GSG1L: variants seen among roughly 807,000 people sequenced by gnomAD.
GSG1L encodes the protein germ cell-specific gene 1-like protein.
In GSG1L, 24 loss-of-function variants were observed where a neutral mutation model predicts 42.1. That is an observed-to-expected ratio of 0.57 (90% CI 0.41 to 0.80). The LOEUF is 0.80. Ranked by LOEUF, GSG1L falls within the 30% of genes least tolerant of loss-of-function variation. The probability of loss-of-function intolerance (pLI) is 0.00; values close to 1 mark genes in which losing one functional copy is unlikely to be tolerated. For synonymous variants in GSG1L, 215 were observed against 203.5 expected (o/e 1.06, Z -0.48); for missense variants, 445 against 472.2 (o/e 0.94, Z 0.53).
chr16:28,053,705 CTG>C (rs2086245546), intron 1 of GSG1L, among the ~76,000 whole-genome samples: 3 of 152,198 alleles, frequency 2.0e-5, no homozygotes, highest in African/African-American at 7.2e-5. Context: ...ACCCTCCTCC[CTG>C]TGTGTGAGTG....
intron 1 of GSG1L, among the ~76,000 whole-genome samples, chr16:27,979,012 G>A (rs911920570): frequency 6.6e-6 from 1 of 152,108 alleles, no homozygotes; most frequent in African/African-American, 2.4e-5. Context: ...AGGTGTCTAG[G>A]CTCAGAAGCC....
At chr16:28,028,673 C>T (rs967394363) in intron 1 of GSG1L, among the ~76,000 whole-genome samples, 1 of 152,128 alleles carries the variant, frequency 6.6e-6, no homozygotes, top group African/African-American at 2.4e-5. Flanking sequence ...GAGAAAGTCT[C>T]AGCTTGGTGC....
intron 1 of GSG1L, among the ~76,000 whole-genome samples, chr16:28,004,078 C>G (rs1247016665): frequency 6.6e-6 from 1 of 152,178 alleles, no homozygotes; most frequent in East Asian, 1.9e-4. Context: ...CAGCCCGAGG[C>G]GCCTGTGTGC....
chr16:27,875,144 C>A (rs1028763086), intron 3 of GSG1L, among the ~76,000 whole-genome samples: 1 of 152,192 alleles, frequency 6.6e-6, no homozygotes, highest in South Asian at 2.1e-4. Flanking sequence ...TTGGTGACTT[C>A]TTTCCTCAAA....
intron 2 of GSG1L, among the ~76,000 whole-genome samples, chr16:27,935,221 C>T (rs182355331): frequency 4.4e-4 from 67 of 152,288 alleles, no homozygotes; most frequent in African/African-American, 1.2e-3. Flanking sequence ...CAGCTCCCAC[C>T]TGCCCTGGAA....
chr16:27,823,618 C>T (rs1157583869), intron 5 of GSG1L, among the ~76,000 whole-genome samples: 3 of 152,214 alleles, frequency 2.0e-5, no homozygotes, highest in East Asian at 3.9e-4. Context: ...AACGTGGGGG[C>T]GTGAGGGAGC....
chr16:27,811,652 G>A (rs886267596), intron 5 of GSG1L, among the ~76,000 whole-genome samples: 6 of 151,832 alleles, frequency 4.0e-5, no homozygotes, highest in Admixed American at 6.6e-5. Context: ...GTTTCTTTTC[G>A]TTGTTGTTGT....
At chr16:27,887,940 C>G in intron 2 of GSG1L, 1 of 223,216 alleles carries the variant, frequency 4.5e-6, no homozygotes, top group Non-Finnish European at 7.5e-6. Flanking sequence ...GCCTCCCAGC[C>G]CTTCGCTGGC....
intron 1 of GSG1L, among the ~76,000 whole-genome samples, chr16:28,002,490 A>G (rs1034973232): frequency 1.1e-4 from 16 of 152,152 alleles, no homozygotes; most frequent in Non-Finnish European, 7.3e-5. Context: ...GCATGATGAC[A>G]TATGCCTGTA....
intron 1 of GSG1L, among the ~76,000 whole-genome samples, chr16:28,035,226 T>C (rs2086019365): frequency 6.6e-6 from 1 of 151,960 alleles, no homozygotes; most frequent in Non-Finnish European, 1.5e-5. Context: ...GGTCTCACTA[T>C]GTTGCTCAGG....
intron 1 of GSG1L, among the ~76,000 whole-genome samples, chr16:28,033,171 A>G (rs1596717468): frequency 6.6e-6 from 1 of 152,028 alleles, no homozygotes. Flanking sequence ...GGGCCTTTGC[A>G]CCTGCCAATC....
At chr16:28,044,935 A>G (rs1434869640) in intron 1 of GSG1L, among the ~76,000 whole-genome samples, 1 of 152,106 alleles carries the variant, frequency 6.6e-6, no homozygotes, top group Non-Finnish European at 1.5e-5. Context: ...ATGAATGCAC[A>G]TTGCTAAATG....
chr16:27,791,885 C>T (rs2082758731), intron 6 of GSG1L, among the ~76,000 whole-genome samples: 1 of 152,046 alleles, frequency 6.6e-6, no homozygotes, highest in Non-Finnish European at 1.5e-5. Flanking sequence ...CACCCAATAA[C>T]ACACCTTTAC....
At chr16:28,001,786 C>T (rs571418149) in intron 1 of GSG1L, among the ~76,000 whole-genome samples, 4 of 152,262 alleles carry the variant, frequency 2.6e-5, no homozygotes, top group Admixed American at 2.6e-4. Flanking sequence ...AGAAGGGGGC[C>T]CAAGGTTGGC....
chr16:27,830,632 G>A (rs542883441), intron 4 of GSG1L, among the ~76,000 whole-genome samples: 1 of 152,132 alleles, frequency 6.6e-6, no homozygotes, highest in Non-Finnish European at 1.5e-5. Context: ...CCCTCTAAGA[G>A]CTTCCCTGTC....
intron 2 of GSG1L, among the ~76,000 whole-genome samples, chr16:27,954,792 T>G (rs573286378): frequency 6.6e-6 from 1 of 152,270 alleles, no homozygotes; most frequent in East Asian, 1.9e-4. Context: ...TAGCTAGGAC[T>G]GCAGGTACAC....
intron 1 of GSG1L, among the ~76,000 whole-genome samples, chr16:28,026,201 T>C (rs1045341211): frequency 4.6e-5 from 7 of 152,190 alleles, no homozygotes; most frequent in African/African-American, 1.7e-4. Context: ...GGGCAGGAGC[T>C]GGGTCTCGCA....
intron 2 of GSG1L, among the ~76,000 whole-genome samples, chr16:27,919,666 C>T (rs2084502222): frequency 6.6e-6 from 1 of 152,136 alleles, no homozygotes; most frequent in African/African-American, 2.4e-5. Context: ...GTGTGCCCAG[C>T]CTTGGAGATA....
rs372156534 is a variant in GSG1L at position 27,932,500 on chromosome 16, G to C, written c.397+30656C>G. Among the ~76,000 whole-genome samples the C allele has an allele frequency of 5.9e-5, 9 of 152,274 alleles. No homozygotes were observed. The South Asian group carries it at 1.9e-3, about 32-fold the overall frequency. ...TCAGCAATTCGCATGGTGGCAGCAG[G>C]AGGAAGAGAGAAAGGTAGGAGATGC... On this transcript the variant is annotated intron_variant, in intron 2 of 6. Coordinates refer to ENST00000447459, the MANE Select transcript of GSG1L (RefSeq NM_001109763.2).
Sources: gnomAD v4.1 joint callset for allele counts (sites outside exome capture counted in the v4.1 genomes callset) on GRCh38, gnomAD v4.1.1 for gene constraint, MANE v1.5 for transcripts, NCBI Gene and HGNC (gene_info 2026-07-23, HGNC 2026-07-21) for gene names.